NKAIN3: variants seen among roughly 807,000 people sequenced by gnomAD.
The protein encoded by NKAIN3 is sodium/potassium-transporting ATPase subunit beta-1-interacting protein 3.
A neutral mutation model predicts 30.2 loss-of-function variants in NKAIN3; 25 were observed. The observed-to-expected ratio is 0.83, with a 90% confidence interval of 0.60 to 1.16. The LOEUF (loss-of-function observed/expected upper bound fraction) is 1.16. Ranked by LOEUF, NKAIN3 falls within the 50% of genes most tolerant of loss-of-function variation. The pLI is 0.00. For missense variants in NKAIN3, 225 were observed against 254.1 expected (o/e 0.89, Z 0.78); for synonymous variants, 91 against 89.6 (o/e 1.02, Z -0.09).
At chr8:62,527,682 T>A (rs1204730058) in intron 1 of NKAIN3, among the ~76,000 whole-genome samples, 1 of 152,044 alleles carries the variant, frequency 6.6e-6, no homozygotes, top group Non-Finnish European at 1.5e-5. Context: ...TTTTAGAAAA[T>A]GTATTATTAT....
At chr8:62,342,141 G>C (rs1202433274) in intron 1 of NKAIN3, among the ~76,000 whole-genome samples, 1 of 147,442 alleles carries the variant, frequency 6.8e-6, no homozygotes, top group Non-Finnish European at 1.5e-5. Context: ...TCCAATATTT[G>C]TGCAAAAGGG....
intron 1 of NKAIN3, among the ~76,000 whole-genome samples, chr8:62,439,543 T>TA (rs368438808): frequency 1.4e-3 from 215 of 152,284 alleles, no homozygotes; most frequent in African/African-American, 4.8e-3. Flanking sequence ...TCATCCTGAG[T>TA]AAAAAAATGT....
At chr8:62,266,779 G>C (rs901533577) in intron 1 of NKAIN3, among the ~76,000 whole-genome samples, 2 of 152,198 alleles carry the variant, frequency 1.3e-5, no homozygotes, top group African/African-American at 4.8e-5. Context: ...GCCCCTTTCT[G>C]TGGCAGTGAC....
chr8:62,960,104 T>G (rs566827379), intron 6 of NKAIN3, among the ~76,000 whole-genome samples: 6 of 152,348 alleles, frequency 3.9e-5, no homozygotes, highest in African/African-American at 1.4e-4. Flanking sequence ...AGCAGTGAAA[T>G]GGCTGTGTGT....
intron 1 of NKAIN3, among the ~76,000 whole-genome samples, chr8:62,412,908 T>C (rs1325613896): frequency 1.3e-5 from 1 of 75,886 alleles, no homozygotes; most frequent in Non-Finnish European, 2.8e-5. Context: ...TGAGACTCCG[T>C]CAAAAAAAAA....
intron 4 of NKAIN3, among the ~76,000 whole-genome samples, chr8:62,780,612 G>T (rs1301193488): frequency 6.6e-6 from 1 of 151,988 alleles, no homozygotes; most frequent in African/African-American, 2.4e-5. Context: ...TTTATTCCAG[G>T]GATGAAGAAA....
In NKAIN3 at chr8:62,789,298, G is replaced by A. The variant is rs537579860; in HGVS notation, c.471+42169G>A. On this transcript the variant is annotated intron_variant, in intron 4 of 6. Transcript: ENST00000623646. ...GTATTTTATTCTCTTTGAAGCAATT[G>A]TGAATGGGAGTTCCCTCATGATTTG... is the stretch of plus-strand genomic sequence containing the variant. Among the ~76,000 whole-genome samples the A allele has an allele frequency of 2.6e-5, 4 of 152,244 alleles. No individual in the cohort carries two copies. In the South Asian group the frequency reaches 8.3e-4, roughly 32 times the overall value.
Position 62,843,469 on chromosome 8 carries a change from T to C in NKAIN3, c.472-74984T>C, listed in dbSNP as rs559863786. Among the ~76,000 whole-genome samples, 183 of 152,028 alleles carry C rather than the reference T, an allele frequency of 1.2e-3. 1 individual carries two copies. Among genetic ancestry groups the C allele is most frequent in the African/African-American group, 4.3e-3 (177 of 41,482 alleles). On this transcript the variant is annotated intron_variant, in intron 4 of 6. Transcript: ENST00000623646. ...CTCCTGCCTCAGCTTCCCAAGTAGC[T>C]GGGACTACAGGCACATGCCACCACA...
intron 1 of NKAIN3, among the ~76,000 whole-genome samples, chr8:62,273,370 T>C (rs1812833599): frequency 6.6e-6 from 1 of 152,170 alleles, no homozygotes; most frequent in Non-Finnish European, 1.5e-5. Context: ...TATGTATTAA[T>C]AGTTCTTCTC....
At chr8:62,990,950 C>T (rs1001166667) in intron 5 of NKAIN3, 22 of 152,334 alleles carry the variant, frequency 1.4e-4, no homozygotes, top group African/African-American at 2.9e-4. Flanking sequence ...TGGTGCCCTA[C>T]CTTCAATAGG....
chr8:62,371,405 A>C (rs1320444415), intron 1 of NKAIN3, among the ~76,000 whole-genome samples: 1 of 151,900 alleles, frequency 6.6e-6, no homozygotes, highest in Non-Finnish European at 1.5e-5. Flanking sequence ...CATTTTAAAA[A>C]TTGTTATTCT....
At chr8:62,741,325 A>G (rs1351973310) in intron 3 of NKAIN3, among the ~76,000 whole-genome samples, 1 of 152,038 alleles carries the variant, frequency 6.6e-6, no homozygotes, top group African/African-American at 2.4e-5. Context: ...GGAGAAAGAA[A>G]AAAAAAGAAT....
intron 1 of NKAIN3, among the ~76,000 whole-genome samples, chr8:62,324,082 G>C (rs944320663): frequency 5.3e-5 from 8 of 152,006 alleles, no homozygotes; most frequent in African/African-American, 1.9e-4. Context: ...TGCCCACCAA[G>C]AATGAACCCT....
Position 62,967,662 on chromosome 8 carries a change from G to T in NKAIN3, c.*2255G>T, listed in dbSNP as rs73683963. 0.02 allele frequency among the ~76,000 whole-genome samples: 3,073 copies of T among 152,200 alleles called. 88 individuals carry two copies. The highest frequency in any genetic ancestry group is 0.066 in the African/African-American group (2,724 of 41,514). On this transcript the variant is annotated 3_prime_UTR_variant, in exon 7 of 7. Coordinates refer to ENST00000623646, the MANE Select transcript of NKAIN3 (RefSeq NM_001304533.3). The stretch of plus-strand genomic sequence containing the variant: ...TTAATATTCAAGTTCCAAAACTAAT[G>T]CCAATAATTATTGTTAGTATTGTTA...
At chr8:62,716,905 G>A (rs937919401) in intron 3 of NKAIN3, among the ~76,000 whole-genome samples, 2 of 151,954 alleles carry the variant, frequency 1.3e-5, no homozygotes, top group Admixed American at 6.6e-5. Flanking sequence ...AGACTAACCT[G>A]GGCAACATAG....
At chr8:62,321,360 CCATTG>C (rs1814896055) in intron 1 of NKAIN3, among the ~76,000 whole-genome samples, 1 of 152,212 alleles carries the variant, frequency 6.6e-6, no homozygotes, top group Non-Finnish European at 1.5e-5. Flanking sequence ...CAGCTTTGTT[CCATTG>C]CTGGTGAGGA....
chr8:62,799,991 G>T (rs893738245), intron 4 of NKAIN3, among the ~76,000 whole-genome samples: 7 of 152,142 alleles, frequency 4.6e-5, no homozygotes, highest in African/African-American at 1.4e-4. Flanking sequence ...ATGAGTTGGA[G>T]CTAAGATATG....
rs771248223 is a variant in NKAIN3, at chr8:62,949,477, G to A, written c.533-4425G>A. ...CCTTGTCAGGAATTGGTGGTGGCTA[G>A]AGCGAGTAACCACAAAGATATTCTG... On this transcript the variant is annotated intron_variant, in intron 5 of 6. Coordinates refer to ENST00000623646, the MANE Select transcript of NKAIN3 (RefSeq NM_001304533.3). Among the ~76,000 whole-genome samples the A allele has an allele frequency of 2.0e-5, 3 of 152,186 alleles. No individual in the cohort carries two copies. In the East Asian group the frequency reaches 5.8e-4, roughly 29 times the overall value.
chr8:62,719,469 TG>T (rs1815013819), intron 3 of NKAIN3, among the ~76,000 whole-genome samples: 1 of 152,228 alleles, frequency 6.6e-6, no homozygotes, highest in Non-Finnish European at 1.5e-5. Context: ...ACCAGAACCC[TG>T]GTTATATTCT....
Sources: gnomAD v4.1 joint callset for allele counts (sites outside exome capture counted in the v4.1 genomes callset) on GRCh38, gnomAD v4.1.1 for gene constraint, MANE v1.5 for transcripts, NCBI Gene and HGNC (gene_info 2026-07-23, HGNC 2026-07-21) for gene names.